CD99L2: variants seen among roughly 807,000 people sequenced by gnomAD.
CD99L2 encodes CD99 antigen-like protein 2.
Under a neutral mutation model 27.3 loss-of-function variants are expected in CD99L2, and 24 were observed. The ratio of observed to expected loss-of-function variants is 0.88; its 90% CI spans 0.64 to 1.24. The LOEUF is 1.24. CD99L2 is among the 50% of genes most tolerant of loss of function. The pLI, the probability that CD99L2 is intolerant of heterozygous loss-of-function variation, is 0.00. For missense variants in CD99L2, 255 were observed against 221.6 expected, an observed-to-expected ratio of 1.15 and a Z score of -0.96; for synonymous variants, 97 against 87.9, an observed-to-expected ratio of 1.10 and a Z score of -0.58.
At chrX:150,870,116 A>C (rs1428834007) in intron 1 of CD99L2, among the ~76,000 whole-genome samples, 3 of 111,907 alleles carry the variant, frequency 2.7e-5, no homozygotes, top group African/African-American at 9.7e-5. Context: ...ATAAAGCTTT[A>C]AGATCAAAAT....
At chrX:150,829,299 A>G in intron 2 of CD99L2, 1 of 306,176 alleles carries the variant, frequency 3.3e-6, no homozygotes, top group Middle Eastern at 1.0e-3. Flanking sequence ...AGATGAGATC[A>G]TCCTGGATTA....
intron 1 of CD99L2, among the ~76,000 whole-genome samples, chrX:150,834,778 T>G (rs782021545): frequency 1.8e-5 from 2 of 112,476 alleles, no homozygotes; most frequent in South Asian, 7.4e-4. Context: ...TTTAAAGAGA[T>G]ATCTGTACTC....
At chrX:150,891,827 G>A (rs1330438582) in intron 1 of CD99L2, among the ~76,000 whole-genome samples, 1 of 112,092 alleles carries the variant, frequency 8.9e-6, no homozygotes, top group Non-Finnish European at 1.9e-5. Flanking sequence ...TAGCCTCAGG[G>A]AGGGTCCAGT....
chrX:150,816,590 C>T (rs1429372864), intron 2 of CD99L2: 1 of 118,308 alleles, frequency 8.5e-6, no homozygotes, highest in East Asian at 2.6e-4. Context: ...CACTTTTACA[C>T]CATTGGTGGG....
chrX:150,806,793 A>G (rs1478352515), intron 4 of CD99L2, among the ~76,000 whole-genome samples: 1 of 110,952 alleles, frequency 9.0e-6, no homozygotes, highest in Non-Finnish European at 1.9e-5. Flanking sequence ...TGGGAGGCTG[A>G]GGCAGGAGAA....
At chrX:150,879,693 G>A (rs782058877) in intron 1 of CD99L2, among the ~76,000 whole-genome samples, 20 of 95,584 alleles carry the variant, frequency 2.1e-4, no homozygotes, top group African/African-American at 7.2e-4. Context: ...GATCAATTGA[G>A]CCTAGGAGTT....
intron 1 of CD99L2, among the ~76,000 whole-genome samples, chrX:150,893,254 G>A (rs7060654): frequency 3.8e-4 from 42 of 111,776 alleles, no homozygotes; most frequent in African/African-American, 1.3e-3. Flanking sequence ...TCAGACGAGC[G>A]CAGCAACTGA....
At chrX:150,786,486 G>T (rs2045597215) in intron 7 of CD99L2, among the ~76,000 whole-genome samples, 2 of 111,206 alleles carry the variant, frequency 1.8e-5, no homozygotes, top group African/African-American at 6.6e-5. Flanking sequence ...CTGGTTTTCT[G>T]TTCCTGAGTT....
chrX:150,778,539 T>C (rs1164773197), intron 7 of CD99L2, among the ~76,000 whole-genome samples: 1 of 108,008 alleles, frequency 9.3e-6, no homozygotes, highest in Non-Finnish European at 1.9e-5. Flanking sequence ...TGTACCTTCC[T>C]CTCTATTTTT....
chrX:150,855,263 A>C (rs1335246014), intron 1 of CD99L2, among the ~76,000 whole-genome samples: 1 of 112,135 alleles, frequency 8.9e-6, no homozygotes, highest in African/African-American at 3.2e-5. Context: ...AGTGGGTCCC[A>C]TATCCAGTGT....
chrX:150,804,144 T>G (rs1038016935), intron 4 of CD99L2, among the ~76,000 whole-genome samples: 3 of 112,034 alleles, frequency 2.7e-5, no homozygotes, highest in African/African-American at 9.7e-5. Flanking sequence ...TTCTCCAGGA[T>G]AGGTCACATG....
chrX:150,800,275 G>A (rs1468820594), intron 4 of CD99L2, among the ~76,000 whole-genome samples: 1 of 111,152 alleles, frequency 9.0e-6, no homozygotes, highest in African/African-American at 3.3e-5. Flanking sequence ...TTCTAGCTGG[G>A]CTGATGAAAA....
chrX:150,830,376 T>G (rs1308633973), intron 2 of CD99L2, among the ~76,000 whole-genome samples: 2 of 109,982 alleles, frequency 1.8e-5, no homozygotes, highest in East Asian at 5.7e-4. Context: ...AACAGTGAGA[T>G]TCTGTCTCCA....
At chrX:150,805,213 A>C (rs1023886351) in intron 4 of CD99L2, among the ~76,000 whole-genome samples, 1 of 110,529 alleles carries the variant, frequency 9.0e-6, no homozygotes, top group African/African-American at 3.3e-5. Flanking sequence ...ACAAACAAAC[A>C]CAAAGATCTC....
chrX:150,878,048 T>C (rs994919686), intron 1 of CD99L2, among the ~76,000 whole-genome samples: 1 of 105,258 alleles, frequency 9.5e-6, no homozygotes, highest in Non-Finnish European at 1.9e-5. Flanking sequence ...TTAGAGAACA[T>C]AGTAGGGGGC....
At chrX:150,848,949 G>A (rs2046747862) in intron 1 of CD99L2, among the ~76,000 whole-genome samples, 1 of 111,364 alleles carries the variant, frequency 9.0e-6, no homozygotes, top group African/African-American at 3.3e-5. Flanking sequence ...TGTGGATCCC[G>A]TGCTAAGGGT....
At chrX:150,796,049 T>TG (rs1557419901) in intron 4 of CD99L2, among the ~76,000 whole-genome samples, 1 of 112,659 alleles carries the variant, frequency 8.9e-6, no homozygotes, top group Admixed American at 9.4e-5. Flanking sequence ...ATTACACAGA[T>TG]GGCATTCATG....
chrX:150,775,391 G>A (rs782695023), intron 9 of CD99L2, among the ~76,000 whole-genome samples: 1 of 112,398 alleles, frequency 8.9e-6, no homozygotes, highest in African/African-American at 3.2e-5. Context: ...CTTACAAAAG[G>A]GACAAGCAAG....
intron 7 of CD99L2, among the ~76,000 whole-genome samples, chrX:150,782,871 T>G (rs1603288019): frequency 9.0e-6 from 1 of 110,725 alleles, no homozygotes; most frequent in East Asian, 2.8e-4. Flanking sequence ...GACACAAACA[T>G]TTAGTCCATA....
Sources: gnomAD v4.1 joint callset for allele counts (sites outside exome capture counted in the v4.1 genomes callset) on GRCh38, gnomAD v4.1.1 for gene constraint, MANE v1.5 for transcripts, NCBI Gene and HGNC (gene_info 2026-07-23, HGNC 2026-07-21) for gene names.